Variants in RALYL observed in about 807,000 individuals in gnomAD.
RALYL encodes the protein RALY RNA binding protein like.
A neutral mutation model predicts 35.1 loss-of-function variants in RALYL; 29 were observed. The observed-to-expected ratio is 0.83, with a 90% confidence interval of 0.61 to 1.13. RALYL has a LOEUF of 1.13. Among genes scored for constraint, RALYL ranks in the 50% most tolerant of loss-of-function variants. The probability of loss-of-function intolerance (pLI) is 0.00; values close to 1 mark genes in which losing one functional copy is unlikely to be tolerated. For synonymous variants in RALYL, 120 were observed against 127.6 expected (o/e 0.94, Z 0.40); for missense variants, 359 against 360.4 (o/e 1.00, Z 0.03).
chr8:84,277,419 G>C (rs958774127), intron 1 of RALYL, among the ~76,000 whole-genome samples: 1 of 152,096 alleles, frequency 6.6e-6, no homozygotes, highest in African/African-American at 2.4e-5. Flanking sequence ...GTGAGATTTG[G>C]GTGGGGACAC....
At chr8:84,545,598 G>A (rs1399278180) in intron 2 of RALYL, among the ~76,000 whole-genome samples, 3 of 152,078 alleles carry the variant, frequency 2.0e-5, no homozygotes, top group African/African-American at 7.2e-5. Context: ...TTTTGGAAGT[G>A]TTTTATGGTT....
chr8:84,517,874 T>C (rs1376516457), intron 1 of RALYL, among the ~76,000 whole-genome samples: 1 of 152,138 alleles, frequency 6.6e-6, no homozygotes, highest in Non-Finnish European at 1.5e-5. Context: ...AAAAATCATA[T>C]TCATAGTTTC....
chr8:84,425,694 A>G (rs1386346552), intron 1 of RALYL, among the ~76,000 whole-genome samples: 1 of 152,102 alleles, frequency 6.6e-6, no homozygotes, highest in Non-Finnish European at 1.5e-5. Context: ...CTATTGGAAG[A>G]TTGTCACTCC....
chr8:84,715,553 A>G (rs1294982349), intron 2 of RALYL, among the ~76,000 whole-genome samples: 1 of 152,030 alleles, frequency 6.6e-6, no homozygotes, highest in African/African-American at 2.4e-5. Flanking sequence ...TCTTGAGGAA[A>G]GTTTTACATA....
intron 2 of RALYL, among the ~76,000 whole-genome samples, chr8:84,547,950 C>T (rs2060474163): frequency 6.6e-6 from 1 of 151,968 alleles, no homozygotes; most frequent in Non-Finnish European, 1.5e-5. Flanking sequence ...TGCTTTTATC[C>T]TCAAAGTTGT....
intron 2 of RALYL, among the ~76,000 whole-genome samples, chr8:84,704,360 G>A (rs1279464130): frequency 1.3e-5 from 2 of 152,118 alleles, no homozygotes; most frequent in East Asian, 3.9e-4. Context: ...GGGAGGCAGA[G>A]TTTGCAGTGA....
intron 8 of RALYL, among the ~76,000 whole-genome samples, chr8:84,894,994 T>A (rs569149626): frequency 1.3e-5 from 2 of 152,302 alleles, no homozygotes; most frequent in East Asian, 3.9e-4. Context: ...AAAAGAGGGT[T>A]GACAATAATA....
At chr8:84,721,839 G>T (rs1448422791) in intron 2 of RALYL, among the ~76,000 whole-genome samples, 1 of 152,114 alleles carries the variant, frequency 6.6e-6, no homozygotes, top group Non-Finnish European at 1.5e-5. Context: ...TGATTAGAAT[G>T]GTCATATAAC....
At chr8:84,225,241 G>A (rs1823592512) in intron 1 of RALYL, among the ~76,000 whole-genome samples, 1 of 152,106 alleles carries the variant, frequency 6.6e-6, no homozygotes, top group African/African-American at 2.4e-5. Flanking sequence ...ACCACCCTAG[G>A]CCAAGTCATG....
At chr8:84,742,746 G>T (rs752002141) in intron 2 of RALYL, among the ~76,000 whole-genome samples, 2 of 152,016 alleles carry the variant, frequency 1.3e-5, no homozygotes, top group African/African-American at 4.8e-5. Context: ...TCCTAAAATA[G>T]TACATTACAT....
intron 1 of RALYL, among the ~76,000 whole-genome samples, chr8:84,358,961 G>A (rs568712617): frequency 6.6e-6 from 1 of 151,934 alleles, no homozygotes; most frequent in Non-Finnish European, 1.5e-5. Flanking sequence ...AGGTGATGAA[G>A]AACTAGATGA....
At chr8:84,668,748 T>C (rs1414207749) in intron 2 of RALYL, among the ~76,000 whole-genome samples, 1 of 152,148 alleles carries the variant, frequency 6.6e-6, no homozygotes, top group Non-Finnish European at 1.5e-5. Flanking sequence ...TATTAGAGCT[T>C]GGATGATAAT....
chr8:84,522,249 AT>A (rs34104122), intron 1 of RALYL, among the ~76,000 whole-genome samples: 2,351 of 133,832 alleles, frequency 0.018, 40 homozygotes, highest in African/African-American at 0.056. Flanking sequence ...TAGAAAGGAA[AT>A]TTTTTTTTTT....
At chr8:84,495,232 T>C (rs2055871790) in intron 1 of RALYL, among the ~76,000 whole-genome samples, 1 of 152,108 alleles carries the variant, frequency 6.6e-6, no homozygotes, top group Non-Finnish European at 1.5e-5. Flanking sequence ...GAAGAATAAA[T>C]TTCTTTTGAA....
At chr8:84,243,472 T>A (rs998176779) in intron 1 of RALYL, among the ~76,000 whole-genome samples, 1 of 151,950 alleles carries the variant, frequency 6.6e-6, no homozygotes, top group Non-Finnish European at 1.5e-5. Context: ...CATGGAATAT[T>A]TTTCCGTTTG....
rs142290149 is a variant in RALYL, at chr8:84,441,334, A to G, written c.-23-87965A>G. On this transcript the variant is annotated intron_variant, in intron 1 of 8. Coordinates refer to ENST00000521268, the MANE Select transcript of RALYL (RefSeq NM_173848.7). ...GATTTCAAGTTGTTCATAATTTGTC[A>G]AAGGCACTGAGGTGGAGCCCAAAAT... 2.5e-3 allele frequency among the ~76,000 whole-genome samples: 379 copies of G among 152,222 alleles called. 1 individual carries two copies. Among genetic ancestry groups the G allele is most frequent in the East Asian group, 6.8e-3 (35 of 5,170 alleles).
At chr8:84,277,674 T>C (rs2401051) in intron 1 of RALYL, among the ~76,000 whole-genome samples, 105,052 of 152,142 alleles carry the variant, frequency 0.69, 37,869 homozygotes, top group African/African-American at 0.91. Context: ...TAAATACACC[T>C]ATTTTAAATG....
chr8:84,844,413 A>T (rs1444219642), intron 4 of RALYL, among the ~76,000 whole-genome samples: 1 of 152,230 alleles, frequency 6.6e-6, no homozygotes, highest in Non-Finnish European at 1.5e-5. Context: ...TCAAAACCAC[A>T]ATGAGATACC....
intron 1 of RALYL, among the ~76,000 whole-genome samples, chr8:84,487,374 C>T (rs149655818): frequency 0.017 from 2,542 of 152,082 alleles, 70 homozygotes; most frequent in African/African-American, 0.057. Flanking sequence ...ATAAATGTTC[C>T]GTATTTAAAA....
Sources: allele counts gnomAD v4.1 joint callset (sites outside exome capture counted in the v4.1 genomes callset), GRCh38; gene constraint gnomAD v4.1.1; transcripts MANE v1.5; gene names NCBI Gene and HGNC (gene_info 2026-07-23, HGNC 2026-07-21).